The following UBAP2L variants were observed in gnomAD, a reference collection of about 807,000 sequenced individuals.
UBAP2L encodes ubiquitin-associated protein 2-like.
UBAP2L carries 12 observed loss-of-function variants against 130.6 expected under a neutral mutation model. The ratio of observed to expected loss-of-function variants is 0.09; its 90% confidence interval spans 0.06 to 0.15. The LOEUF is 0.15. Ranked by LOEUF, UBAP2L falls within the 10% of genes least tolerant of loss-of-function variation. The pLI, the probability that UBAP2L is intolerant of heterozygous loss-of-function variation, is 1.00. For missense variants in UBAP2L, 965 were observed against 1,332.5 expected (o/e 0.72, Z 4.29); for synonymous variants, 503 against 524.7 (o/e 0.96, Z 0.57).
chr1:154,271,018 A>G (rs1684649558), downstream of UBAP2L: 7 of 1,413,824 alleles, frequency 5.0e-6, no homozygotes, highest in South Asian at 3.8e-5. Flanking sequence ...TTAATGTGGT[A>G]GTAGTATCTT....
At chr1:154,226,287 A>G (rs756308515) in intron 2 of UBAP2L, among the ~76,000 whole-genome samples, 2 of 152,238 alleles carry the variant, frequency 1.3e-5, no homozygotes, top group African/African-American at 2.4e-5. Flanking sequence ...TAAATGAAAC[A>G]CCTTAGAGCA....
intron 6 of UBAP2L, among the ~76,000 whole-genome samples, chr1:154,235,666 C>T (rs1211380803): frequency 2.6e-5 from 4 of 152,188 alleles, no homozygotes; most frequent in South Asian, 2.1e-4. Flanking sequence ...TGCGTCACTA[C>T]GCCCAGCTAA....
At chr1:154,226,673 G>A (rs1365183414) in intron 2 of UBAP2L, among the ~76,000 whole-genome samples, 2 of 151,864 alleles carry the variant, frequency 1.3e-5, no homozygotes, top group East Asian at 3.9e-4. Context: ...GTTTACACAT[G>A]GCTTTGTGAC....
At chr1:154,255,806 C>G in intron 18 of UBAP2L, 51 bp downstream of exon 18, 1 of 1,592,972 alleles carries the variant, frequency 6.3e-7, no homozygotes, top group South Asian at 1.1e-5. Flanking sequence ...TTAGAACTGT[C>G]CAACTGTAAG....
chr1:154,236,543 T>A, intron 6 of UBAP2L, 23 bp from the exon 7 acceptor site: 1 of 1,613,886 alleles, frequency 6.2e-7, no homozygotes, highest in Non-Finnish European at 8.5e-7. Flanking sequence ...ATCTCTCTTC[T>A]CTTTTTCTCA....
chr1:154,220,486 G>T (rs1203077645), upstream of UBAP2L: 18 of 1,539,318 alleles, frequency 1.2e-5, no homozygotes, highest in Non-Finnish European at 1.4e-5. Flanking sequence ...CCGAAGCGAC[G>T]GCGCCTGGGT....
At chr1:154,227,752 T>G (rs1258691316) in intron 3 of UBAP2L, among the ~76,000 whole-genome samples, 1 of 152,156 alleles carries the variant, frequency 6.6e-6, no homozygotes, top group Non-Finnish European at 1.5e-5. Context: ...TTCACCATGT[T>G]GGCCAGGCTG....
Position 154,270,471 on chromosome 1 carries a change from T to C in UBAP2L, c.*176T>C, listed in dbSNP as rs1345486020. 6.7e-7 allele frequency: 1 copy of C among 1,498,696 alleles called. No individual in the cohort carries two copies. Among genetic ancestry groups the C allele is most frequent in the South Asian group, 1.3e-5 (1 of 79,914 alleles). 92.8% of individuals were successfully genotyped at this position (1,498,696 alleles called of 1,614,324 possible). On this transcript the variant is annotated 3_prime_UTR_variant, in exon 27 of 27. Transcript: ENST00000428931. ...CCATTCCTATACCATCCCCACCCTG[T>C]TGTATGTATTATAGGATTTGTATTT...
At chr1:154,247,614 A>G (rs1479964442) in intron 11 of UBAP2L, among the ~76,000 whole-genome samples, 2 of 152,182 alleles carry the variant, frequency 1.3e-5, no homozygotes, top group East Asian at 3.8e-4. Context: ...CTGTAGTCTC[A>G]GCTACTCTGG....
At chr1:154,244,928 C>G (rs1674874741) in intron 10 of UBAP2L, among the ~76,000 whole-genome samples, 1 of 151,922 alleles carries the variant, frequency 6.6e-6, no homozygotes, top group Non-Finnish European at 1.5e-5. Context: ...AGTTCCAACA[C>G]TCTTACCTGG....
At chr1:154,266,669 G>A (rs1683322033) in intron 25 of UBAP2L, 101 bp downstream of exon 25, 6 of 1,257,592 alleles carry the variant, frequency 4.8e-6, no homozygotes, top group South Asian at 1.2e-5. Context: ...CCCTAGGAGA[G>A]GTGGCAGGAA....
chr1:154,261,645 G>A lies in UBAP2L; in HGVS notation c.2850G>A (p.Ser950=), dbSNP rs36114119. 4,509 of 1,614,042 alleles carry A rather than the reference G, an allele frequency of 2.8e-3. 100 individuals are homozygous for A. The African/African-American group carries it at 0.05, about 18-fold the overall frequency. ...QHGVNVSVNA[S]ATPFQQPSGY... The stretch of plus-strand genomic sequence containing the variant: ...GTGTGAATGTCAGTGTGAATGCATC[G>A]GCCACCCCTTTCCAACAGCCGAGTG... The change falls in exon 24 of 27, where the codon TCG becomes TCA. Residue 950 remains serine (S), a synonymous_variant. Coordinates refer to ENST00000428931, the MANE Select transcript of UBAP2L (RefSeq NM_014847.4).
In UBAP2L at chr1:154,255,452, A is replaced by G. The variant is rs1679320800; in HGVS notation, c.2084+126A>G. The stretch of plus-strand genomic sequence containing the variant: ...TGCTTTTGTCGTAAGTGGGTGACCT[A>G]AGAACTGTGGGAAGTGAAGACAGAG... On this transcript the variant is annotated intron_variant, in intron 17 of 26. Transcript: ENST00000428931. The G allele has an allele frequency of 4.5e-6, 6 of 1,322,082 alleles. No individual in the cohort carries two copies. The Admixed American group carries it at 6.5e-5, about 14-fold the overall frequency. 81.9% of individuals were successfully genotyped at this position (1,322,082 alleles called of 1,614,324 possible).
intron 1 of UBAP2L, 57 bp downstream of exon 1, chr1:154,221,032 C>T: frequency 4.8e-6 from 1 of 206,278 alleles, no homozygotes; most frequent in South Asian, 5.4e-5. Context: ...GGCAGCGCGG[C>T]GGGGCCGGGT....
intron 21 of UBAP2L, among the ~76,000 whole-genome samples, chr1:154,259,467 T>C (rs1194602): frequency 0.66 from 100,781 of 151,846 alleles, 34,733 homozygotes; most frequent in East Asian, 0.96. Context: ...GCTGAGCTTA[T>C]AGGCATGAGC....
intron 18 of UBAP2L, among the ~76,000 whole-genome samples, chr1:154,256,066 G>A (rs1262193383): frequency 6.6e-6 from 1 of 152,196 alleles, no homozygotes; most frequent in Admixed American, 6.5e-5. Flanking sequence ...AACTGGTAGA[G>A]CTGTTCTCTT....
intron 21 of UBAP2L, chr1:154,259,715 G>A: frequency 1.5e-6 from 1 of 658,638 alleles, no homozygotes; most frequent in Non-Finnish European, 2.7e-6. Flanking sequence ...GGACTTTGAT[G>A]TATTCTCAAG....
intron 8 of UBAP2L, among the ~76,000 whole-genome samples, chr1:154,238,763 C>G (rs1165124358): frequency 6.6e-6 from 1 of 151,726 alleles, no homozygotes; most frequent in Non-Finnish European, 1.5e-5. Context: ...TTTTTTGAGA[C>G]AGAGTCTTGC....
chr1:154,237,463 C>A (rs920305133), intron 8 of UBAP2L, among the ~76,000 whole-genome samples: 1 of 152,208 alleles, frequency 6.6e-6, no homozygotes, highest in African/African-American at 2.4e-5. Flanking sequence ...AAAGTCCATG[C>A]CCTTTCAACT....
Sources: allele counts gnomAD v4.1 joint callset (sites outside exome capture counted in the v4.1 genomes callset), GRCh38; gene constraint gnomAD v4.1.1; transcripts MANE v1.5; gene names NCBI Gene and HGNC (gene_info 2026-07-23, HGNC 2026-07-21).